The following KCNIP4 variants were observed in gnomAD, a reference collection of about 807,000 sequenced individuals.
KCNIP4 encodes the protein Kv channel-interacting protein 4.
KCNIP4 carries 12 observed loss-of-function variants against 34.0 expected under a neutral mutation model. The observed-to-expected ratio is 0.35, with a 90% CI of 0.23 to 0.57. KCNIP4 has a LOEUF of 0.57. Among genes scored for constraint, KCNIP4 ranks in the 20% least tolerant of loss-of-function variants. The pLI is 0.83. For synonymous variants in KCNIP4, 124 were observed against 102.2 expected (o/e 1.21, Z -1.29); for missense variants, 238 against 311.7 (o/e 0.76, Z 1.78).
intron 1 of KCNIP4, among the ~76,000 whole-genome samples, chr4:21,899,349 T>C (rs1727578734): frequency 6.6e-6 from 1 of 152,012 alleles, no homozygotes; most frequent in Non-Finnish European, 1.5e-5. Context: ...GGAGAAAAAC[T>C]GAAAGCTTTT....
At chr4:20,908,597 T>C (rs1728026604) in intron 1 of KCNIP4, among the ~76,000 whole-genome samples, 1 of 152,206 alleles carries the variant, frequency 6.6e-6, no homozygotes, top group Non-Finnish European at 1.5e-5. Context: ...AGCTTTAATA[T>C]GCCATTTTCA....
intron 1 of KCNIP4, among the ~76,000 whole-genome samples, chr4:21,166,667 G>A (rs974007658): frequency 1.3e-5 from 2 of 151,418 alleles, no homozygotes; most frequent in South Asian, 2.1e-4. Context: ...GGCCTGGTGC[G>A]GTGGCTCACG....
chr4:21,820,324 T>TATATATATAC (rs1286970944), intron 1 of KCNIP4, among the ~76,000 whole-genome samples: 2 of 136,682 alleles, frequency 1.5e-5, no homozygotes, highest in African/African-American at 5.6e-5. Context: ...TATATATATA[T>TATATATATAC]ACATATATAC....
intron 1 of KCNIP4, among the ~76,000 whole-genome samples, chr4:21,880,074 T>C (rs938389475): frequency 1.3e-5 from 2 of 152,168 alleles, no homozygotes; most frequent in African/African-American, 4.8e-5. Context: ...TTACCCAGTC[T>C]CAGGTATGTC....
chr4:20,918,985 C>T (rs1729119609), intron 1 of KCNIP4, among the ~76,000 whole-genome samples: 1 of 152,196 alleles, frequency 6.6e-6, no homozygotes, highest in African/African-American at 2.4e-5. Flanking sequence ...TTAGGCAAGG[C>T]ATCCAGGTAT....
chr4:20,982,313 G>A (rs1207475428), intron 1 of KCNIP4, among the ~76,000 whole-genome samples: 2 of 152,082 alleles, frequency 1.3e-5, no homozygotes, highest in Non-Finnish European at 2.9e-5. Context: ...ACCAAAACGT[G>A]GTGACAAAAC....
At chr4:21,095,926 AC>A (rs1210068553) in intron 1 of KCNIP4, among the ~76,000 whole-genome samples, 3 of 152,194 alleles carry the variant, frequency 2.0e-5, no homozygotes, top group African/African-American at 7.2e-5. Flanking sequence ...TCCCCAGGAA[AC>A]CAGCAGAAAC....
chr4:21,177,578 G>A (rs990626717), intron 1 of KCNIP4, among the ~76,000 whole-genome samples: 5 of 151,870 alleles, frequency 3.3e-5, no homozygotes, highest in Admixed American at 6.6e-5. Flanking sequence ...TGTAGGGGTC[G>A]CAGCATTCTG....
At chr4:21,424,322 C>T (rs959053784) in intron 1 of KCNIP4, among the ~76,000 whole-genome samples, 6 of 151,560 alleles carry the variant, frequency 4.0e-5, no homozygotes, top group Non-Finnish European at 8.8e-5. Flanking sequence ...CCTGTAATCC[C>T]TGCAATTTGG....
chr4:21,819,748 G>A (rs1335038575), intron 1 of KCNIP4, among the ~76,000 whole-genome samples: 5 of 152,092 alleles, frequency 3.3e-5, no homozygotes, highest in African/African-American at 4.8e-5. Context: ...AAGATGGAAC[G>A]AGGTTTAATT....
At chr4:21,020,775 G>A (rs1303200741) in intron 1 of KCNIP4, among the ~76,000 whole-genome samples, 2 of 152,146 alleles carry the variant, frequency 1.3e-5, no homozygotes, top group East Asian at 1.9e-4. Context: ...AAGATTGAGT[G>A]AATGAATAGA....
intron 1 of KCNIP4, among the ~76,000 whole-genome samples, chr4:21,115,990 A>T (rs1461206854): frequency 6.6e-6 from 1 of 152,224 alleles, no homozygotes; most frequent in African/African-American, 2.4e-5. Context: ...GATAATAAAC[A>T]GTGACAAACA....
At chr4:21,840,354 G>A (rs922658139) in intron 1 of KCNIP4, among the ~76,000 whole-genome samples, 5 of 151,998 alleles carry the variant, frequency 3.3e-5, no homozygotes, top group African/African-American at 4.8e-5. Context: ...TGCACAAGTT[G>A]CTCTCTGAAT....
intron 1 of KCNIP4, among the ~76,000 whole-genome samples, chr4:21,276,101 G>A (rs117841215): frequency 6.6e-6 from 1 of 152,202 alleles, no homozygotes; most frequent in African/African-American, 2.4e-5. Context: ...CAAGCAAATG[G>A]TGCCACTACA....
intron 7 of KCNIP4, 88 bp downstream of exon 7, chr4:20,732,593 C>T: frequency 1.2e-6 from 1 of 802,702 alleles, no homozygotes; most frequent in East Asian, 2.5e-5. Context: ...TTTTCCTTTG[C>T]TCTCTTTTGA....
At chr4:21,072,846 T>C (rs990783424) in intron 1 of KCNIP4, among the ~76,000 whole-genome samples, 2 of 152,164 alleles carry the variant, frequency 1.3e-5, no homozygotes, top group African/African-American at 4.8e-5. Flanking sequence ...AGGGATCCAG[T>C]TTCAGTTTTC....
intron 1 of KCNIP4, among the ~76,000 whole-genome samples, chr4:21,071,647 A>AT (rs1206931534): frequency 6.6e-6 from 1 of 151,630 alleles, no homozygotes; most frequent in Non-Finnish European, 1.5e-5. Context: ...TTATCTTTTG[A>AT]TTTTTTAAAT....
At chr4:21,891,926 T>C (rs550327106) in intron 1 of KCNIP4, among the ~76,000 whole-genome samples, 36 of 152,162 alleles carry the variant, frequency 2.4e-4, no homozygotes, top group Admixed American at 4.6e-4. Context: ...AATTGAGAGT[T>C]GTGGTAAGAA....
At chr4:21,483,687 G>A (rs1731656335) in intron 1 of KCNIP4, among the ~76,000 whole-genome samples, 1 of 152,100 alleles carries the variant, frequency 6.6e-6, no homozygotes, top group Non-Finnish European at 1.5e-5. Flanking sequence ...CTACTTGGGA[G>A]GCTGAGGCAG....
Sources: gnomAD v4.1 joint callset for allele counts (sites outside exome capture counted in the v4.1 genomes callset) on GRCh38, gnomAD v4.1.1 for gene constraint, MANE v1.5 for transcripts, NCBI Gene and HGNC (gene_info 2026-07-23, HGNC 2026-07-21) for gene names.